NRBP2: variants seen among roughly 807,000 people sequenced by gnomAD.
NRBP2 encodes the protein nuclear receptor-binding protein 2.
In NRBP2, 47 loss-of-function variants were observed where a neutral mutation model predicts 74.4. The observed-to-expected ratio is 0.63, with a 90% CI of 0.50 to 0.81. The LOEUF (loss-of-function observed/expected upper bound fraction) is 0.81. Among genes scored for constraint, NRBP2 ranks in the 30% least tolerant of loss-of-function variants. NRBP2 has a pLI of 0.00. For missense variants in NRBP2, 613 were observed against 690.1 expected, an observed-to-expected ratio of 0.89 and a Z score of 1.25; for synonymous variants, 312 against 273.8, an observed-to-expected ratio of 1.14 and a Z score of -1.38.
chr8:143,839,385 G>A lies in NRBP2; in HGVS notation c.509C>T (p.Pro170Leu), dbSNP rs1318883160. The A allele has an allele frequency of 1.5e-5, 24 of 1,586,614 alleles. No individual in the cohort carries two copies. Among genetic ancestry groups the A allele is most frequent in the Non-Finnish European group, 2.0e-5 (23 of 1,173,840 alleles). The change falls in exon 6 of 18, where the codon CCA becomes CTA. Residue 170 changes from proline (P) to leucine (L), a missense_variant. Physicochemically the swap from Pro to Leu is moderately conservative, Grantham distance 98 (BLOSUM62 -3). Coordinates refer to ENST00000442628, the MANE Select transcript of NRBP2 (RefSeq NM_178564.4). The surrounding 1 kb of genome is among the most constrained non-coding windows in gnomAD (Gnocchi z 5.1). ...GCTGGTCAGGTTCCCGTGGATGATT[G>A]GGGGGCTGCAGGCGTGCAGGAAGCT... The part of the protein sequence containing the change: ...ALSFLHACSP[P>L]IIHGNLTSDT...
chr8:143,840,449 AG>A lies in NRBP2; in HGVS notation c.130-221del. On this transcript the variant is annotated intron_variant, in intron 1 of 17. Coordinates refer to ENST00000442628, the MANE Select transcript of NRBP2 (RefSeq NM_178564.4). This position sits in a 1 kb window ranked among gnomAD's most constrained non-coding sequence, Gnocchi z 5.7. ...ATTTGGAGCAGGTTTCAGGGGGTCG[AG>A]GGGGATCCCCAGGAAGCTAGCGGCT... 1.4e-6 allele frequency: 1 copy of A among 702,632 alleles called. No homozygotes were observed. Among genetic ancestry groups the A allele is most frequent in the Non-Finnish European group, 2.3e-6 (1 of 433,594 alleles). The allele number at this position is 702,632 out of a possible 1,614,324, so 43.5% of individuals were successfully genotyped here.
At position 143,836,180 on chromosome 8, in the gene NRBP2, C is replaced by T; in HGVS notation, c.1264G>A (p.Val422Ile). The change falls in exon 15 of 18, where the codon GTC (valine) becomes ATC (isoleucine). Residue 422 changes from valine (V) to isoleucine (I), a missense_variant and splice_region_variant. Val to Ile is a conservative substitution (Grantham distance 29). Coordinates refer to ENST00000442628, the MANE Select transcript of NRBP2 (RefSeq NM_178564.4). ...PEPFDSETRK[V>I]IQMQCNLERS... ...TCCAGGTTGCACTGCATCTGGATGA[C>T]CTGCAGCGGGGGAAGGCTGGGACTC... The T allele has an allele frequency of 6.4e-7, 1 of 1,556,502 alleles. No homozygotes were observed. Among genetic ancestry groups the T allele is most frequent in the Non-Finnish European group, 8.6e-7 (1 of 1,158,090 alleles).
At position 143,837,075 on chromosome 8, in the gene NRBP2, G is replaced by T. The variant is rs1818436092; in HGVS notation, c.1227C>A (p.Thr409=). The T allele has an allele frequency of 1.9e-6, 3 of 1,611,872 alleles. No homozygotes were observed. The East Asian group carries it at 6.7e-5, about 36-fold the overall frequency. ...PPPEEVQKAK[T]PTPEPFDSET... The stretch of plus-strand genomic sequence containing the variant: ...CAGAGTCAAAGGGCTCTGGCGTCGG[G>T]GTCTTGGCCTTTTGGACCTCCTCCG... Residue 409 remains threonine (T), a synonymous_variant, in exon 14 of 18, where the codon ACC becomes ACA. Coordinates refer to ENST00000442628, the MANE Select transcript of NRBP2 (RefSeq NM_178564.4). This position sits in a 1 kb window ranked among gnomAD's most constrained non-coding sequence, Gnocchi z 4.3.
At position 143,836,972 on chromosome 8, in the gene NRBP2, G is replaced by A. The variant is rs1364945950; in HGVS notation, c.1263+67C>T. ...GGGATGCAGGCCCTAAGAGAAGGAG[G>A]GGCACCTCTTATCTGGCTGTTAGAA... is the stretch of plus-strand genomic sequence containing the variant. On this transcript the variant is annotated intron_variant, in intron 14 of 17. Transcript: ENST00000442628. 9 of 1,533,440 alleles carry A rather than the reference G, an allele frequency of 5.9e-6. No homozygotes were observed. The South Asian group carries it at 9.5e-5, about 16-fold the overall frequency. 95.0% of individuals were successfully genotyped at this position (1,533,440 alleles called of 1,614,324 possible).
rs140645302 is a variant in NRBP2 at position 143,838,713 on chromosome 8, G to A, written c.807C>T (p.Arg269=). 505 of 1,612,506 alleles carry A rather than the reference G, an allele frequency of 3.1e-4. 1 individual carries two copies. Among genetic ancestry groups the A allele is most frequent in the Non-Finnish European group, 3.7e-4 (433 of 1,179,298 alleles). ...DTRVTEEAIA[R]ARHSLSDPNM... The stretch of plus-strand genomic sequence containing the variant: ...TGGGGTCACTCAGCGAGTGCCTGGC[G>A]CGAGCAATGGCCTCCTCTGTGACCC... The change falls in exon 10 of 18, where the codon CGC becomes CGT. Residue 269 remains arginine (R), a synonymous_variant. Coordinates refer to ENST00000442628, the MANE Select transcript of NRBP2 (RefSeq NM_178564.4).
chr8:143,835,632 G>T lies in NRBP2; in HGVS notation c.*30C>A. 1 of 1,542,284 alleles carries T rather than the reference G, an allele frequency of 6.5e-7. No homozygotes were observed. Among genetic ancestry groups the T allele is most frequent in the Non-Finnish European group, 8.7e-7 (1 of 1,144,888 alleles). ...ACATGGCCTGCCCAGGCAGCACCCC[G>T]GCATGGTCCCCTGGGGCTGGGGCTC... On this transcript the variant is annotated 3_prime_UTR_variant, in exon 18 of 18. Transcript: ENST00000442628. The surrounding 1 kb of genome is among the most constrained non-coding windows in gnomAD (Gnocchi z 4.9).
Position 143,837,356 on chromosome 8 carries a change from G to T in NRBP2, c.1076+51C>A, listed in dbSNP as rs782247850. The T allele has an allele frequency of 9.1e-6, 14 of 1,531,310 alleles. No individual in the cohort carries two copies. The highest frequency in any genetic ancestry group is 1.4e-5 in the African/African-American group (1 of 73,616). The allele number at this position is 1,531,310 out of a possible 1,614,324, so 94.9% of individuals were successfully genotyped here. A position where few individuals can be genotyped will look rare whatever the true frequency, so the allele number is the denominator to read the frequency against. On this transcript the variant is annotated intron_variant, in intron 12 of 17. Coordinates refer to ENST00000442628, the MANE Select transcript of NRBP2 (RefSeq NM_178564.4). The surrounding 1 kb of genome is among the most constrained non-coding windows in gnomAD (Gnocchi z 4.3). The stretch of plus-strand genomic sequence containing the variant: ...TGGCCGGGGCGAGGGGAGGGGAGGT[G>T]CGGGGAGGGGAGGTGTGGGGAGGGG...
In NRBP2 at chr8:143,840,651, G is replaced by T; in HGVS notation, c.129+55C>A. On this transcript the variant is annotated intron_variant, in intron 1 of 17. Transcript: ENST00000442628. The surrounding 1 kb of genome is among the most constrained non-coding windows in gnomAD (Gnocchi z 5.7). ...CCCCCACGCCCCGCGCAGCCTCCAGGCCCCTCCCGCTCTGGGAGGGCGGTG... is the reference window on the plus strand; with the variant it reads ...CCCCCACGCCCCGCGCAGCCTCCAGTCCCCTCCCGCTCTGGGAGGGCGGTG... 1 of 1,391,526 alleles carries T rather than the reference G, an allele frequency of 7.2e-7. No individual in the cohort carries two copies. Among genetic ancestry groups the T allele is most frequent in the Non-Finnish European group, 9.5e-7 (1 of 1,058,046 alleles). 86.2% of individuals were successfully genotyped at this position (1,391,526 alleles called of 1,614,324 possible).
rs373643213 is a variant in NRBP2, at chr8:143,835,791, G to A, written c.1437+29C>T. ...GCGGCCTGCCCCGTGCGCCCCCTCC[G>A]CCAGGCCGCGCCGCACCGCCCAGCG... is the stretch of plus-strand genomic sequence containing the variant. On this transcript the variant is annotated intron_variant, in intron 17 of 17. Coordinates refer to ENST00000442628, the MANE Select transcript of NRBP2 (RefSeq NM_178564.4). The surrounding 1 kb of genome is among the most constrained non-coding windows in gnomAD (Gnocchi z 4.9). 48 of 1,599,820 alleles carry A rather than the reference G, an allele frequency of 3.0e-5. No homozygotes were observed. The highest frequency in any genetic ancestry group is 3.7e-5 in the Non-Finnish European group (44 of 1,173,698).
rs1384667734 is a variant in NRBP2 at position 143,840,632 on chromosome 8, C to G, written c.129+74G>C. The G allele has an allele frequency of 3.0e-6, 4 of 1,315,170 alleles. No individual in the cohort carries two copies. Among genetic ancestry groups the G allele is most frequent in the Non-Finnish European group, 4.0e-6 (4 of 1,009,044 alleles). 81.5% of individuals were successfully genotyped at this position (1,315,170 alleles called of 1,614,324 possible). On this transcript the variant is annotated intron_variant, in intron 1 of 17. Coordinates refer to ENST00000442628, the MANE Select transcript of NRBP2 (RefSeq NM_178564.4). The surrounding 1 kb of genome is among the most constrained non-coding windows in gnomAD (Gnocchi z 5.7). ...CCGCCGCGCTCTCCCAGCGCCCCCA[C>G]GCCCCGCGCAGCCTCCAGGCCCCTC...
chr8:143,837,848 CCCT>C lies in NRBP2; in HGVS notation c.841-96_841-94del. 6.8e-7 allele frequency: 1 copy of C among 1,473,698 alleles called. No homozygotes were observed. Among genetic ancestry groups the C allele is most frequent in the Non-Finnish European group, 9.2e-7 (1 of 1,083,446 alleles). 91.3% of individuals were successfully genotyped at this position (1,473,698 alleles called of 1,614,324 possible). A position where few individuals can be genotyped will look rare whatever the true frequency, so the allele number is the denominator to read the frequency against. On this transcript the variant is annotated intron_variant, in intron 10 of 17. Coordinates refer to ENST00000442628, the MANE Select transcript of NRBP2 (RefSeq NM_178564.4). This position sits in a 1 kb window ranked among gnomAD's most constrained non-coding sequence, Gnocchi z 4.3. Reference sequence around the variant, plus strand: ...GAGGTGGCCCCTGAGTTCCCCATGTCCCTCCTCAGGGACACACAGGACATGCAG... The same window carrying C: ...GAGGTGGCCCCTGAGTTCCCCATGTCCCTCAGGGACACACAGGACATGCAG...
rs893502942 is a variant in NRBP2 at position 143,839,692 on chromosome 8, A to G, written c.444+44T>C. The G allele has an allele frequency of 6.5e-7, 1 of 1,533,124 alleles. No homozygotes were observed. The highest frequency in any genetic ancestry group is 8.7e-7 in the Non-Finnish European group (1 of 1,145,424). The allele number at this position is 1,533,124 out of a possible 1,614,324, so 95.0% of individuals were successfully genotyped here. On this transcript the variant is annotated intron_variant, in intron 4 of 17. Transcript: ENST00000442628. The surrounding 1 kb of genome is among the most constrained non-coding windows in gnomAD (Gnocchi z 5.1). Reference sequence around the variant, plus strand: ...CCATCCCAGTCCCCGAGGCTGCCCCAACCCCGTCCTGTCCCCGTGGCTGCC... The same window carrying G: ...CCATCCCAGTCCCCGAGGCTGCCCCGACCCCGTCCTGTCCCCGTGGCTGCC...
At position 143,837,093 on chromosome 8, in the gene NRBP2, C is replaced by G. The variant is rs782450016; in HGVS notation, c.1209G>C (p.Glu403Asp). 1 of 1,611,306 alleles carries G rather than the reference C, an allele frequency of 6.2e-7. No homozygotes were observed. Among genetic ancestry groups the G allele is most frequent in the Admixed American group, 1.7e-5 (1 of 59,090 alleles). The change falls in exon 14 of 18, where the codon GAG becomes GAC. Residue 403 changes from glutamate (E) to aspartate (D), a missense_variant. Glu to Asp is a conservative substitution (Grantham distance 45, BLOSUM62 2). Around this residue, in one of 2 missense-constraint regions of NRBP2, gnomAD observed 281 missense variants for 260.9 expected, o/e 1.08. Transcript: ENST00000442628. This position sits in a 1 kb window ranked among gnomAD's most constrained non-coding sequence, Gnocchi z 4.3. ...LPRVLAPPPEEVQKAKTPTPE... is the reference protein window; with the variant it reads ...LPRVLAPPPEDVQKAKTPTPE... ...GCGTCGGGGTCTTGGCCTTTTGGAC[C>G]TCCTCCGGGGGTGGGGCCAGCACAC...
At chr8:143,831,450 T>C (rs1011308489), downstream of NRBP2, among the ~76,000 whole-genome samples, 1 of 152,156 alleles carries the variant, frequency 6.6e-6, no homozygotes, top group East Asian at 1.9e-4. Context: ...GCCACGTCTC[T>C]ACAAAAAGTA....
rs1225562197 is a variant in NRBP2 at position 143,834,751 on chromosome 8, C to T, written c.*911G>A. 6.6e-6 allele frequency: 1 copy of T among 152,308 alleles called. No homozygotes were observed. Among genetic ancestry groups the T allele is most frequent in the Non-Finnish European group, 1.5e-5 (1 of 68,122 alleles). The allele number at this position is 152,308 out of a possible 1,614,324, so 9.4% of individuals were successfully genotyped here. A position where few individuals can be genotyped will look rare whatever the true frequency, so the allele number is the denominator to read the frequency against. ...AGGCCAGGAAGGCAGGGGTAGAATC[C>T]ATGAGGGCATAGAAATCTCTAAGAC... On this transcript the variant is annotated 3_prime_UTR_variant, in exon 18 of 18. Transcript: ENST00000442628.
rs1333573539 is a variant in NRBP2 at position 143,835,952 on chromosome 8, C to T, written c.1381+15G>A. ...GGGGTCACCGCCCGCCGCCCAAGTC[C>T]CCTGCCCAGCCTACTTGGGAGCAGG... On this transcript the variant is annotated intron_variant, in intron 16 of 17. Transcript: ENST00000442628. This position sits in a 1 kb window ranked among gnomAD's most constrained non-coding sequence, Gnocchi z 4.9. 2 of 1,593,512 alleles carry T rather than the reference C, an allele frequency of 1.3e-6. No homozygotes were observed. Among genetic ancestry groups the T allele is most frequent in the Admixed American group, 1.7e-5 (1 of 58,310 alleles).
Position 143,837,803 on chromosome 8 carries a change from C to T in NRBP2, c.841-48G>A, listed in dbSNP as rs782454179. On this transcript the variant is annotated intron_variant, in intron 10 of 17. Coordinates refer to ENST00000442628, the MANE Select transcript of NRBP2 (RefSeq NM_178564.4). This position sits in a 1 kb window ranked among gnomAD's most constrained non-coding sequence, Gnocchi z 4.3. The stretch of plus-strand genomic sequence containing the variant: ...TGGTGGTGTGCAAGGGCTCTCTGCT[C>T]TGGCCCCGCAGTTCGAGGAGAGGTG... The T allele has an allele frequency of 9.0e-6, 14 of 1,550,652 alleles. No individual in the cohort carries two copies. The highest frequency in any genetic ancestry group is 1.1e-5 in the Non-Finnish European group (13 of 1,147,200).
chr8:143,840,025 C>T lies in NRBP2; in HGVS notation c.258G>A (p.Lys86=), dbSNP rs1554653302. The stretch of plus-strand genomic sequence containing the variant: ...CCAGCTGCTCGAACACGGTCTGGAT[C>T]TTCTCCTGGGGAGGGAGGGTGGTCG... ...DRKAFAAHEE[K]IQTVFEQLVL... The change falls in exon 3 of 18, where the codon AAG becomes AAA. Residue 86 remains lysine (K), a synonymous_variant. Coordinates refer to ENST00000442628, the MANE Select transcript of NRBP2 (RefSeq NM_178564.4). The surrounding 1 kb of genome is among the most constrained non-coding windows in gnomAD (Gnocchi z 5.7). 1 of 1,536,208 alleles carries T rather than the reference C, an allele frequency of 6.5e-7. No individual in the cohort carries two copies. The highest frequency in any genetic ancestry group is 1.7e-4 in the Middle Eastern group (1 of 5,990).
rs527809782 is a variant in NRBP2 at position 143,837,898 on chromosome 8, CCAG to C, written c.841-146_841-144del. The C allele has an allele frequency of 2.8e-4, 283 of 1,018,782 alleles. 3 individuals are homozygous for C. The Middle Eastern group carries it at 9.7e-3, about 35-fold the overall frequency. The allele number at this position is 1,018,782 out of a possible 1,614,324, so 63.1% of individuals were successfully genotyped here. On this transcript the variant is annotated intron_variant, in intron 10 of 17. Transcript: ENST00000442628. This position sits in a 1 kb window ranked among gnomAD's most constrained non-coding sequence, Gnocchi z 4.3. Reference sequence around the variant, plus strand: ...GCAGGGATGCCCATAGGGAGGAGTCCCAGCAGCAGCAGCCAGGCCAGGACCTGG... The same window carrying C: ...GCAGGGATGCCCATAGGGAGGAGTCCCAGCAGCAGCCAGGCCAGGACCTGG...
Sources: gnomAD v4.1 joint callset for allele counts (sites outside exome capture counted in the v4.1 genomes callset) on GRCh38, gnomAD v4.1.1 for gene constraint, gnomAD v4.1.1 regional missense constraint, Gnocchi (gnomAD v3.1) non-coding constraint, MANE v1.5 for transcripts, NCBI Gene and HGNC (gene_info 2026-07-23, HGNC 2026-07-21) for gene names.